ACOXL: variants seen among roughly 807,000 people sequenced by gnomAD.
ACOXL encodes acyl-CoA oxidase like, also known as acyl-coenzyme A oxidase-like protein.
ACOXL carries 70 observed loss-of-function variants against 71.9 expected under a neutral mutation model. The ratio of observed to expected loss-of-function variants is 0.97; its 90% CI spans 0.80 to 1.19. The LOEUF is 1.19. ACOXL is among the 50% of genes most tolerant of loss of function. The probability of loss-of-function intolerance (pLI) is 0.00; values close to 1 mark genes in which losing one functional copy is unlikely to be tolerated. For missense variants in ACOXL, 703 were observed against 736.3 expected (o/e 0.95, Z 0.52); for synonymous variants, 253 against 281.6 (o/e 0.90, Z 1.02).
In ACOXL at chr2:110,771,348, C is replaced by A. The variant is rs577339842; in HGVS notation, c.75+2884C>A. Among the ~76,000 whole-genome samples, 3 of 152,312 alleles carry A rather than the reference C, an allele frequency of 2.0e-5. No homozygotes were observed. In the South Asian group the frequency reaches 6.2e-4, roughly 32 times the overall value. ...CTGCCTCTTAATAAAATGATTGAGT[C>A]ATGGCTGTCCTGCCTGCTCAGGGAG... On this transcript the variant is annotated intron_variant, in intron 2 of 17. Transcript: ENST00000439055.
At chr2:110,960,733 GTAAT>G (rs1355711818) in intron 12 of ACOXL, among the ~76,000 whole-genome samples, 23 of 146,544 alleles carry the variant, frequency 1.6e-4, no homozygotes, top group African/African-American at 5.6e-4. Flanking sequence ...ATTACTTTTA[GTAAT>G]TAATTAAAAA....
chr2:111,103,357 T>G (rs1364970934), intron 17 of ACOXL, among the ~76,000 whole-genome samples: 8 of 152,050 alleles, frequency 5.3e-5, no homozygotes, highest in Non-Finnish European at 2.9e-5. Context: ...GTGACCGCAT[T>G]TTAAGACACA....
chr2:110,806,765 C>T (rs890940778), intron 9 of ACOXL, among the ~76,000 whole-genome samples: 3 of 152,132 alleles, frequency 2.0e-5, no homozygotes, highest in African/African-American at 4.8e-5. Context: ...CAGGCAGGCT[C>T]CTGGGAAACC....
intron 16 of ACOXL, among the ~76,000 whole-genome samples, chr2:111,057,096 C>T (rs2066578020): frequency 6.6e-6 from 1 of 152,212 alleles, no homozygotes; most frequent in Non-Finnish European, 1.5e-5. Context: ...GGGCACTCAA[C>T]TCAACCTGGG....
chr2:110,820,225 A>T (rs184632932), intron 9 of ACOXL, among the ~76,000 whole-genome samples: 5 of 152,070 alleles, frequency 3.3e-5, no homozygotes, highest in African/African-American at 4.8e-5. Context: ...GTTGAGGAAT[A>T]GTGTTTTAGT....
At position 111,103,514 on chromosome 2, in the gene ACOXL, T is replaced by C. The variant is rs73954920; in HGVS notation, c.1542+10548T>C. ...CTAGGCATTGATTCCATTAACCTAA[T>C]TGGCTATTGCTGAGACAACATAAGT... On this transcript the variant is annotated intron_variant, in intron 17 of 17. Coordinates refer to ENST00000439055, the MANE Select transcript of ACOXL (RefSeq NM_001142807.4). 6.1e-3 allele frequency among the ~76,000 whole-genome samples: 930 copies of C among 152,206 alleles called. 7 individuals carry two copies. The highest frequency in any genetic ancestry group is 0.02 in the African/African-American group (819 of 41,526).
At chr2:110,794,037 T>A in intron 4 of ACOXL, 39 bp from the exon 5 acceptor site, 1 of 1,601,960 alleles carries the variant, frequency 6.2e-7, no homozygotes, top group South Asian at 1.1e-5. Context: ...AGCAACTGCC[T>A]GACCAGCTAA....
At chr2:110,970,704 A>G (rs2062147237) in intron 12 of ACOXL, among the ~76,000 whole-genome samples, 1 of 152,230 alleles carries the variant, frequency 6.6e-6, no homozygotes, top group Non-Finnish European at 1.5e-5. Context: ...CAAAGTTGCA[A>G]AAGCAATCCA....
rs1036080229 is a variant in ACOXL, at chr2:110,818,853, G to A, written c.753+13458G>A. 3.1e-5 allele frequency among the ~76,000 whole-genome samples: 2 copies of A among 64,452 alleles called. 1 individual carries two copies. Among genetic ancestry groups the A allele is most frequent in the Non-Finnish European group, 1.0e-4 (2 of 19,716 alleles). The allele number at this position is 64,452 out of a possible 152,430, so 42.3% of individuals were successfully genotyped here. ...TGATGTCAGCACCCTGGGAGCACACGGAAGCTCGTGATCAGCCAAAGCTGA... is the reference window on the plus strand; with the variant it reads ...TGATGTCAGCACCCTGGGAGCACACAGAAGCTCGTGATCAGCCAAAGCTGA... On this transcript the variant is annotated intron_variant, in intron 9 of 17. Transcript: ENST00000439055.
At chr2:111,007,870 A>C (rs938263303) in intron 14 of ACOXL, among the ~76,000 whole-genome samples, 2 of 152,246 alleles carry the variant, frequency 1.3e-5, no homozygotes, top group Non-Finnish European at 2.9e-5. Flanking sequence ...TCTGATTCCA[A>C]TTCAAACAAC....
chr2:110,926,973 G>T (rs2060295512), intron 11 of ACOXL, among the ~76,000 whole-genome samples: 1 of 152,116 alleles, frequency 6.6e-6, no homozygotes, highest in Non-Finnish European at 1.5e-5. Context: ...TTCTTTCACT[G>T]CCACAAAGAA....
At chr2:110,789,145 C>CT (rs1684352297) in intron 3 of ACOXL, among the ~76,000 whole-genome samples, 1 of 152,176 alleles carries the variant, frequency 6.6e-6, no homozygotes, top group South Asian at 2.1e-4. Context: ...GGGGCTGGCT[C>CT]TGAGAGTGGC....
At chr2:110,958,277 G>A (rs767048764) in intron 12 of ACOXL, among the ~76,000 whole-genome samples, 9 of 152,130 alleles carry the variant, frequency 5.9e-5, no homozygotes, top group Non-Finnish European at 1.0e-4. Flanking sequence ...TCCCAACAGA[G>A]ACATAAGGGG....
chr2:110,899,618 T>A (rs1574043024), intron 10 of ACOXL, among the ~76,000 whole-genome samples: 2 of 152,176 alleles, frequency 1.3e-5, no homozygotes, highest in East Asian at 1.9e-4. Flanking sequence ...TGCAATTTTT[T>A]AAAATATGAA....
chr2:111,020,543 G>T (rs1289901932), intron 14 of ACOXL, among the ~76,000 whole-genome samples: 1 of 152,206 alleles, frequency 6.6e-6, no homozygotes, highest in Non-Finnish European at 1.5e-5. Context: ...GTGTGCTCTG[G>T]ATATGGTTCA....
At chr2:111,107,200 T>A (rs1463903224) in intron 17 of ACOXL, among the ~76,000 whole-genome samples, 2 of 152,194 alleles carry the variant, frequency 1.3e-5, no homozygotes, top group Non-Finnish European at 2.9e-5. Flanking sequence ...TTTGTGTACG[T>A]CTGTTGGTGG....
chr2:110,736,871 C>T (rs567743674), intron 1 of ACOXL, among the ~76,000 whole-genome samples: 3 of 152,274 alleles, frequency 2.0e-5, no homozygotes, highest in African/African-American at 4.8e-5. Context: ...CTGCCCGCCT[C>T]GGCCTCCCAA....
chr2:110,996,188 C>T (rs893621864), intron 14 of ACOXL, among the ~76,000 whole-genome samples, 184 bp downstream of exon 14: 1 of 152,184 alleles, frequency 6.6e-6, no homozygotes, highest in African/African-American at 2.4e-5. Flanking sequence ...CAGGATGCTT[C>T]TGTTTAACCC....
intron 16 of ACOXL, among the ~76,000 whole-genome samples, chr2:111,074,586 A>C (rs1481648088): frequency 6.6e-6 from 1 of 151,992 alleles, no homozygotes. Flanking sequence ...AATATGATAA[A>C]TAACAATGTC....
Sources: allele counts gnomAD v4.1 joint callset (sites outside exome capture counted in the v4.1 genomes callset), GRCh38; gene constraint gnomAD v4.1.1; transcripts MANE v1.5; gene names NCBI Gene and HGNC (gene_info 2026-07-23, HGNC 2026-07-21).